Variants in ASH1L observed in about 807,000 individuals in gnomAD.
ASH1L encodes the protein ASH1 like histone lysine methyltransferase.
Under a neutral mutation model 269.0 loss-of-function variants are expected in ASH1L, and 23 were observed. The ratio of observed to expected loss-of-function variants is 0.09; its 90% CI spans 0.06 to 0.12. The LOEUF (loss-of-function observed/expected upper bound fraction) is 0.12. ASH1L is among the 10% of genes least tolerant of loss of function. The pLI is 1.00. For missense variants in ASH1L, 2,912 were observed against 3,567.8 expected (o/e 0.82, Z 4.68); for synonymous variants, 1,187 against 1,253.5 (o/e 0.95, Z 1.12).
At chr1:155,549,357 G>T (rs757720347) in intron 1 of ASH1L, among the ~76,000 whole-genome samples, 1 of 152,022 alleles carries the variant, frequency 6.6e-6, no homozygotes, top group East Asian at 1.9e-4. Context: ...AAACTTTTTG[G>T]CCAGACACAG....
rs575163273 is a variant in ASH1L, at chr1:155,441,587, T to C, written c.5087-2519A>G. ...ACAGCATTCTCCTGCCTCAGCCTCC[T>C]GAGCAGCTGGGACTACAGACGCCCA... is the stretch of plus-strand genomic sequence containing the variant. On this transcript the variant is annotated intron_variant, in intron 4 of 27. Coordinates refer to ENST00000392403, the MANE Select transcript of ASH1L (RefSeq NM_018489.3). 1.0e-4 allele frequency among the ~76,000 whole-genome samples: 15 copies of C among 146,022 alleles called. No homozygotes were observed. The East Asian group carries it at 2.9e-3, about 28-fold the overall frequency.
chr1:155,434,688 T>G (rs1480677326), intron 5 of ASH1L, among the ~76,000 whole-genome samples: 1 of 151,836 alleles, frequency 6.6e-6, no homozygotes, highest in Non-Finnish European at 1.5e-5. Context: ...CCGTCTCTAC[T>G]AAAAATACAA....
At chr1:155,484,943 ACAAAAACAAAAACAAAAAC>A (rs1276288402) in intron 2 of ASH1L, among the ~76,000 whole-genome samples, 15 of 117,084 alleles carry the variant, frequency 1.3e-4, no homozygotes, top group African/African-American at 4.6e-4. Flanking sequence ...AAAAAAAAAA[ACAAAAACAAAAACAAAAAC>A]AAAAACCAAC....
At chr1:155,427,137 T>A (rs1661219864) in intron 5 of ASH1L, among the ~76,000 whole-genome samples, 1 of 146,748 alleles carries the variant, frequency 6.8e-6, no homozygotes, top group African/African-American at 2.5e-5. Context: ...ATATAATTTT[T>A]TTTTTTTTTT....
At chr1:155,523,913 T>A (rs1354083101) in intron 1 of ASH1L, among the ~76,000 whole-genome samples, 1 of 152,178 alleles carries the variant, frequency 6.6e-6, no homozygotes, top group Non-Finnish European at 1.5e-5. Context: ...GCAGTGTTTA[T>A]AAGTACTCAA....
At position 155,481,987 on chromosome 1, in the gene ASH1L, C is replaced by G; in HGVS notation, c.883G>C (p.Ala295Pro). Reference protein sequence around the residue: ...KDPGKKPVFNAAVGLVNKDSV... With the variant: ...KDPGKKPVFNPAVGLVNKDSV... ...TCCTTATTGACCAATCCTACTGCTG[C>G]ATTAAACACTGGCTTTTTCCCAGGA... The change falls in exon 3 of 28, where the codon GCA becomes CCA. Residue 295 changes from alanine to proline, a missense_variant. By Grantham distance (27) the Ala-to-Pro change is conservative. This residue lies in a region of ASH1L where 277 missense variants were observed against 367.7 expected (regional missense o/e 0.75). Coordinates refer to ENST00000392403, the MANE Select transcript of ASH1L (RefSeq NM_018489.3). The G allele has an allele frequency of 1.2e-6, 2 of 1,614,156 alleles. No homozygotes were observed. The highest frequency in any genetic ancestry group is 1.7e-6 in the Non-Finnish European group (2 of 1,180,028).
At position 155,478,462 on chromosome 1, in the gene ASH1L, G is replaced by A. The variant is rs765907525; in HGVS notation, c.4408C>T (p.Pro1470Ser). The change falls in exon 3 of 28, where the codon CCT (proline) becomes TCT (serine). Residue 1470 changes from proline to serine, a missense_variant. Physicochemically the swap from Pro to Ser is moderately conservative, Grantham distance 74 (BLOSUM62 -1). Around this residue, in one of 13 missense-constraint regions of ASH1L, gnomAD observed 789 missense variants for 897.6 expected, o/e 0.88. Transcript: ENST00000392403. The surrounding 1 kb of genome is among the most constrained non-coding windows in gnomAD (Gnocchi z 4.6). ...ATCCAACCATAGGCCATCTCAGGAG[G>A]AACACTGGGGTAGGTACTCATGGAA... ...LLSMSTYPSVPPEMAYGWMVE... is the reference protein window; with the variant it reads ...LLSMSTYPSVSPEMAYGWMVE... The A allele has an allele frequency of 6.2e-7, 1 of 1,614,122 alleles. No homozygotes were observed. The highest frequency in any genetic ancestry group is 8.5e-7 in the Non-Finnish European group (1 of 1,180,022).
At chr1:155,431,481 A>G (rs1661593178) in intron 5 of ASH1L, among the ~76,000 whole-genome samples, 1 of 151,794 alleles carries the variant, frequency 6.6e-6, no homozygotes, top group African/African-American at 2.4e-5. Context: ...GTAGAGATGG[A>G]CCAGGTGCGG....
rs766339318 is a variant in ASH1L, at chr1:155,347,880, C to A, written c.7579G>T (p.Val2527Phe). The A allele has an allele frequency of 6.2e-7, 1 of 1,614,210 alleles. No homozygotes were observed. The highest frequency in any genetic ancestry group is 8.5e-7 in the Non-Finnish European group (1 of 1,180,050). ...CGTAGACGACAAACATCTCTCCCAA[C>A]TGGGGATTTACGCCCATAGTACTTC... ...AEKYYGRKSPVGRDVCRLRKA... is the reference protein window; with the variant it reads ...AEKYYGRKSPFGRDVCRLRKA... Residue 2527 changes from valine (V) to phenylalanine (F), a missense_variant, in exon 20 of 28, where the codon GTT becomes TTT. Val to Phe is a conservative substitution (Grantham distance 50). Transcript: ENST00000392403.
intron 2 of ASH1L, among the ~76,000 whole-genome samples, chr1:155,504,313 AC>A (rs956738999): frequency 6.6e-5 from 10 of 152,152 alleles, no homozygotes; most frequent in Non-Finnish European, 2.9e-5. Flanking sequence ...TGCCAGTTGT[AC>A]CCTGAATCCC....
intron 1 of ASH1L, among the ~76,000 whole-genome samples, chr1:155,554,959 A>G (rs1571150708): frequency 6.6e-6 from 1 of 151,954 alleles, no homozygotes; most frequent in Non-Finnish European, 1.5e-5. Flanking sequence ...CCTGGCCAAC[A>G]TGGTGAAACC....
At chr1:155,389,367 GTTTA>G (rs1424592781) in intron 7 of ASH1L, among the ~76,000 whole-genome samples, 1 of 150,850 alleles carries the variant, frequency 6.6e-6, no homozygotes, top group East Asian at 2.0e-4. Flanking sequence ...CTGAATATAT[GTTTA>G]TTTAAGACTT....
intron 16 of ASH1L, among the ~76,000 whole-genome samples, chr1:155,353,587 G>A (rs1054204177): frequency 6.6e-6 from 1 of 152,160 alleles, no homozygotes; most frequent in Non-Finnish European, 1.5e-5. Context: ...TCTGCTTTCA[G>A]TCTCTTCTGG....
intron 17 of ASH1L, among the ~76,000 whole-genome samples, chr1:155,352,097 T>C (rs1169687629): frequency 1.3e-5 from 2 of 151,690 alleles, no homozygotes; most frequent in Admixed American, 6.6e-5. Context: ...AAAGAGCCCG[T>C]GTTTCATGCT....
At chr1:155,555,425 A>T (rs1333131724) in intron 1 of ASH1L, among the ~76,000 whole-genome samples, 3 of 144,664 alleles carry the variant, frequency 2.1e-5, no homozygotes, top group Non-Finnish European at 3.0e-5. Context: ...TGAACCCAGG[A>T]GGCAGAGGTT....
chr1:155,489,338 G>C (rs1453585704), intron 2 of ASH1L, among the ~76,000 whole-genome samples: 1 of 151,884 alleles, frequency 6.6e-6, no homozygotes, highest in African/African-American at 2.4e-5. Context: ...GCTGGGTGTG[G>C]TGGTGCGCAC....
intron 1 of ASH1L, among the ~76,000 whole-genome samples, chr1:155,550,141 C>T (rs987474444): frequency 6.6e-6 from 1 of 152,144 alleles, no homozygotes; most frequent in African/African-American, 2.4e-5. Flanking sequence ...CTGCCTCAGC[C>T]TCCTGAGTAG....
intron 3 of ASH1L, among the ~76,000 whole-genome samples, chr1:155,468,217 TTATTA>T (rs1664833132): frequency 3.1e-5 from 1 of 32,356 alleles, no homozygotes; most frequent in African/African-American, 5.1e-5. Flanking sequence ...AGAATGCCCT[TTATTA>T]TTATTATTAT....
At chr1:155,360,971 T>C (rs1654890281) in intron 12 of ASH1L, among the ~76,000 whole-genome samples, 1 of 152,088 alleles carries the variant, frequency 6.6e-6, no homozygotes, top group East Asian at 2.0e-4. Flanking sequence ...CCAGGCGCCG[T>C]AGCTCACGCC....
Sources: allele counts gnomAD v4.1 joint callset (sites outside exome capture counted in the v4.1 genomes callset), GRCh38; gene constraint gnomAD v4.1.1; regional missense constraint gnomAD v4.1.1; non-coding constraint Gnocchi (gnomAD v3.1); transcripts MANE v1.5; gene names NCBI Gene and HGNC (gene_info 2026-07-23, HGNC 2026-07-21).